THSD4: variants seen among roughly 807,000 people sequenced by gnomAD.
The protein encoded by THSD4 is thrombospondin type 1 domain containing 4.
In THSD4, 69 loss-of-function variants were observed where a neutral mutation model predicts 119.0. The ratio of observed to expected loss-of-function variants is 0.58; its 90% CI spans 0.48 to 0.71. The LOEUF is 0.71. THSD4 is among the 30% of genes least tolerant of loss of function. The pLI is 0.00. For synonymous variants in THSD4, 524 were observed against 540.4 expected, an observed-to-expected ratio of 0.97 and a Z score of 0.42; for missense variants, 1,393 against 1,391.1, an observed-to-expected ratio of 1.00 and a Z score of -0.02.
intron 1 of THSD4, among the ~76,000 whole-genome samples, chr15:71,136,636 TGCGGGAGTTCCAGAGGACA>T (rs1261215108): frequency 6.8e-6 from 1 of 147,148 alleles, no homozygotes; most frequent in Non-Finnish European, 1.5e-5. Context: ...TGCTTTAGGC[TGCGGGAGTTCCAGAGGACA>T]GCGTGTGTAG....
At chr15:71,288,515 T>G (rs572381985) in intron 6 of THSD4, among the ~76,000 whole-genome samples, 1 of 152,190 alleles carries the variant, frequency 6.6e-6, no homozygotes, top group East Asian at 1.9e-4. Flanking sequence ...AAAGTCAAAA[T>G]AAATACCCTG....
chr15:71,505,522 G>A lies in THSD4; in HGVS notation c.1152+93699G>A, dbSNP rs187872766. Among the ~76,000 whole-genome samples the A allele has an allele frequency of 3.4e-4, 52 of 152,278 alleles. 1 individual carries two copies. The East Asian group carries it at 0.01, about 29-fold the overall frequency. The stretch of plus-strand genomic sequence containing the variant: ...AAGTAGACAGCCAAATCAAACAGGG[G>A]CAAAATTTGTGATTAAAATAGCAAA... On this transcript the variant is annotated intron_variant, in intron 7 of 17. Coordinates refer to ENST00000261862, the MANE Select transcript of THSD4 (RefSeq NM_024817.3).
chr15:71,696,873 T>C (rs1488094295), intron 8 of THSD4, among the ~76,000 whole-genome samples: 2 of 152,078 alleles, frequency 1.3e-5, no homozygotes, highest in Admixed American at 1.3e-4. Context: ...TAGAGGCCTA[T>C]AGGTGATCTA....
chr15:71,356,039 T>C (rs1004081403), intron 6 of THSD4, among the ~76,000 whole-genome samples: 11 of 151,980 alleles, frequency 7.2e-5, no homozygotes, highest in African/African-American at 2.7e-4. Context: ...GGCTAATTTT[T>C]GTATTTTTAG....
chr15:71,485,217 C>T (rs142161912), intron 7 of THSD4, among the ~76,000 whole-genome samples: 63 of 152,234 alleles, frequency 4.1e-4, no homozygotes, highest in Middle Eastern at 6.8e-3. Context: ...TGCCATTATT[C>T]GTCTGACCTG....
intron 6 of THSD4, among the ~76,000 whole-genome samples, chr15:71,359,474 T>C (rs2045864558): frequency 6.6e-6 from 1 of 152,204 alleles, no homozygotes; most frequent in Non-Finnish European, 1.5e-5. Flanking sequence ...TTAAGAGCCT[T>C]CCCAAAGGTC....
At chr15:71,777,099 C>A in intron 17 of THSD4, 133 bp from the exon 18 acceptor site, 2 of 993,506 alleles carry the variant, frequency 2.0e-6, no homozygotes, top group Non-Finnish European at 3.0e-6. Flanking sequence ...GCCCTTGGCA[C>A]ACATTCATAC....
intron 6 of THSD4, among the ~76,000 whole-genome samples, chr15:71,384,634 G>T (rs1290735617): frequency 6.6e-6 from 1 of 152,110 alleles, no homozygotes; most frequent in Middle Eastern, 3.2e-3. Flanking sequence ...TAAAATTTTT[G>T]AAACCTTCTT....
chr15:71,513,693 G>A (rs2048314748), intron 7 of THSD4, among the ~76,000 whole-genome samples: 2 of 152,148 alleles, frequency 1.3e-5, no homozygotes, highest in African/African-American at 4.8e-5. Flanking sequence ...TATTTACTCA[G>A]GAGAAATCAA....
chr15:71,222,844 C>T (rs962003976), intron 4 of THSD4, among the ~76,000 whole-genome samples: 1 of 152,156 alleles, frequency 6.6e-6, no homozygotes, highest in Non-Finnish European at 1.5e-5. Flanking sequence ...GAGCTACACA[C>T]CCTGAAAGGC....
At chr15:71,292,599 C>T (rs936860559) in intron 6 of THSD4, among the ~76,000 whole-genome samples, 1 of 151,866 alleles carries the variant, frequency 6.6e-6, no homozygotes, top group Non-Finnish European at 1.5e-5. Context: ...ATTTCCTTCA[C>T]ATAGCATTCT....
intron 7 of THSD4, chr15:71,547,515 AT>A (rs756200517): frequency 9.6e-5 from 149 of 1,546,972 alleles, no homozygotes; most frequent in Non-Finnish European, 1.2e-4. Context: ...CAGAAGTTGT[AT>A]TTTTTTTCAG....
At chr15:71,535,440 C>T (rs1042067611) in intron 7 of THSD4, among the ~76,000 whole-genome samples, 6 of 152,136 alleles carry the variant, frequency 3.9e-5, no homozygotes, top group African/African-American at 1.4e-4. Context: ...AATAATGCTG[C>T]TACGAACATG....
rs920527929 is a variant in THSD4 at position 71,660,679 on chromosome 15, C to T, written c.1302C>T (p.Pro434=). 2.5e-5 allele frequency: 41 copies of T among 1,613,968 alleles called. No individual in the cohort carries two copies. Among genetic ancestry groups the T allele is most frequent in the South Asian group, 7.7e-5 (7 of 91,070 alleles). ...SLGYHRVVEI[P]EGATKINITE... is the part of the protein sequence containing the mutation. ...GCTACCACCGCGTCGTGGAGATTCCCGAGGGAGCCACGAAAATCAACATCA... is the reference window on the plus strand; with the variant it reads ...GCTACCACCGCGTCGTGGAGATTCCTGAGGGAGCCACGAAAATCAACATCA... Residue 434 remains proline (P), a synonymous_variant, in exon 8 of 18, where the codon CCC becomes CCT. Transcript: ENST00000261862.
At chr15:71,654,233 C>T (rs1190107830) in intron 7 of THSD4, among the ~76,000 whole-genome samples, 2 of 152,106 alleles carry the variant, frequency 1.3e-5, no homozygotes, top group African/African-American at 4.8e-5. Flanking sequence ...TAAATAGGAA[C>T]CTTGTTTGTT....
chr15:71,133,103 A>G (rs529169042), intron 1 of THSD4, among the ~76,000 whole-genome samples: 2 of 152,334 alleles, frequency 1.3e-5, no homozygotes, highest in African/African-American at 4.8e-5. Flanking sequence ...GCTATGACCC[A>G]GGGATTATAA....
intron 4 of THSD4, among the ~76,000 whole-genome samples, chr15:71,232,193 G>A (rs180848669): frequency 6.6e-6 from 1 of 152,156 alleles, no homozygotes; most frequent in African/African-American, 2.4e-5. Context: ...AATTTTCCTA[G>A]CTCCCTTTAA....
intron 8 of THSD4, among the ~76,000 whole-genome samples, chr15:71,688,707 C>CTGTGTGTGTGTGTGTGTGTG (rs55653630): frequency 1.5e-5 from 2 of 133,438 alleles, no homozygotes; most frequent in Admixed American, 1.5e-4. Context: ...TTTTGTATCT[C>CTGTGTGTGTGTGTGTGTGTG]TGTGTGTGTG....
chr15:71,206,763 C>T (rs2043846962), intron 3 of THSD4, among the ~76,000 whole-genome samples: 1 of 152,170 alleles, frequency 6.6e-6, no homozygotes, highest in Admixed American at 6.5e-5. Context: ...AGACTATCAC[C>T]AACTCTTAGT....
Sources: gnomAD v4.1 joint callset for allele counts (sites outside exome capture counted in the v4.1 genomes callset) on GRCh38, gnomAD v4.1.1 for gene constraint, MANE v1.5 for transcripts, NCBI Gene and HGNC (gene_info 2026-07-23, HGNC 2026-07-21) for gene names.